The following KCNT2 variants were observed in gnomAD, a reference collection of about 807,000 sequenced individuals.
KCNT2 encodes potassium channel subfamily T member 2.
A neutral mutation model predicts 153.8 loss-of-function variants in KCNT2; 67 were observed. That is an observed-to-expected ratio of 0.44 (90% CI 0.36 to 0.53). The LOEUF is 0.53. Among genes scored for constraint, KCNT2 ranks in the 20% least tolerant of loss-of-function variants. The pLI, the probability that KCNT2 is intolerant of heterozygous loss-of-function variation, is 0.00. For synonymous variants in KCNT2, 500 were observed against 458.8 expected (o/e 1.09, Z -1.15); for missense variants, 975 against 1,354.8 (o/e 0.72, Z 4.40).
chr1:196,388,795 C>T lies in KCNT2; in HGVS notation c.1294+9768G>A, dbSNP rs142611100. The stretch of plus-strand genomic sequence containing the variant: ...ACTAGCTTTATTATAGATTCATTAC[C>T]ATTTTTAAAGAAATGTTCACTTAGC... On this transcript the variant is annotated intron_variant, in intron 13 of 27. Coordinates refer to ENST00000294725, the MANE Select transcript of KCNT2 (RefSeq NM_198503.5). 3.5e-4 allele frequency among the ~76,000 whole-genome samples: 53 copies of T among 151,632 alleles called. 1 individual carries two copies. The highest frequency in any genetic ancestry group is 2.7e-3 in the South Asian group (13 of 4,824).
chr1:196,268,768 G>T (rs1657780506), intron 25 of KCNT2, among the ~76,000 whole-genome samples: 1 of 151,824 alleles, frequency 6.6e-6, no homozygotes, highest in Non-Finnish European at 1.5e-5. Flanking sequence ...AAAATGATCT[G>T]CTTCCTCAGA....
intron 1 of KCNT2, among the ~76,000 whole-genome samples, chr1:196,594,707 C>A (rs1296820427): frequency 6.6e-6 from 1 of 152,018 alleles, no homozygotes; most frequent in Non-Finnish European, 1.5e-5. Context: ...TCTGGCACTG[C>A]ATCCAATTTA....
intron 8 of KCNT2, among the ~76,000 whole-genome samples, chr1:196,433,398 A>T (rs1674333436): frequency 6.6e-6 from 1 of 152,112 alleles, no homozygotes; most frequent in South Asian, 2.1e-4. Context: ...ATGTTGTATG[A>T]TTCTGTTTAT....
rs913374744 is a variant in KCNT2, at chr1:196,442,631, C to T, written c.639-12874G>A. On this transcript the variant is annotated intron_variant, in intron 8 of 27. Transcript: ENST00000294725. The stretch of plus-strand genomic sequence containing the variant: ...TGATGTCAAGCTTTCAGCCTTTATT[C>T]GGTAGAGAAGGTTAAGCATTCTAGG... Among the ~76,000 whole-genome samples, 11 of 151,448 alleles carry T rather than the reference C, an allele frequency of 7.3e-5. No individual in the cohort carries two copies. In the East Asian group the frequency reaches 7.8e-4, roughly 11 times the overall value.
At chr1:196,423,501 C>T (rs960799088) in intron 11 of KCNT2, among the ~76,000 whole-genome samples, 1 of 151,602 alleles carries the variant, frequency 6.6e-6, no homozygotes, top group Admixed American at 6.6e-5. Flanking sequence ...GAATACAGCT[C>T]CTCTGTATTC....
At chr1:196,411,771 A>G (rs1203234734) in intron 12 of KCNT2, among the ~76,000 whole-genome samples, 1 of 151,782 alleles carries the variant, frequency 6.6e-6, no homozygotes, top group African/African-American at 2.4e-5. Context: ...TTTCTACATA[A>G]AATAGTTCTC....
intron 5 of KCNT2, among the ~76,000 whole-genome samples, chr1:196,474,125 T>C (rs1404007154): frequency 8.5e-5 from 13 of 152,086 alleles, no homozygotes; most frequent in African/African-American, 3.1e-4. Context: ...TTTTAACCAA[T>C]AATAATGCAG....
intron 27 of KCNT2, 60 bp downstream of exon 27, chr1:196,235,925 CA>C: frequency 9.5e-7 from 1 of 1,048,550 alleles, no homozygotes; most frequent in South Asian, 1.4e-5. Flanking sequence ...AATATAAGTA[CA>C]AAAATAAATA....
chr1:196,535,794 A>T lies in KCNT2; in HGVS notation c.96-43453T>A, dbSNP rs544245870. On this transcript the variant is annotated intron_variant, in intron 1 of 27. Coordinates refer to ENST00000294725, the MANE Select transcript of KCNT2 (RefSeq NM_198503.5). The stretch of plus-strand genomic sequence containing the variant: ...TATGTACAGTGTCAGCATGGTAATT[A>T]CATCTTTTACAGACAATAGTGGCTT... Among the ~76,000 whole-genome samples the T allele has an allele frequency of 1.8e-3, 280 of 152,334 alleles. 2 individuals carry two copies. Among genetic ancestry groups the T allele is most frequent in the African/African-American group, 6.4e-3 (266 of 41,572 alleles).
intron 1 of KCNT2, among the ~76,000 whole-genome samples, chr1:196,592,929 T>A (rs1357904577): frequency 6.6e-6 from 1 of 150,466 alleles, no homozygotes; most frequent in African/African-American, 2.4e-5. Flanking sequence ...AATAAAATAA[T>A]TTTTTATTTC....
chr1:196,242,271 T>C (rs1287571178), intron 26 of KCNT2, among the ~76,000 whole-genome samples: 4 of 152,234 alleles, frequency 2.6e-5, no homozygotes, highest in African/African-American at 7.2e-5. Flanking sequence ...AGGTTTTATA[T>C]GTGTTCAGGT....
chr1:196,501,527 T>TG (rs1680696170), intron 1 of KCNT2, among the ~76,000 whole-genome samples: 1 of 152,052 alleles, frequency 6.6e-6, no homozygotes, highest in South Asian at 2.1e-4. Context: ...CACTTATAAG[T>TG]GGGAGCTAAA....
intron 12 of KCNT2, among the ~76,000 whole-genome samples, chr1:196,414,088 A>T (rs79851653): frequency 1.3e-3 from 193 of 151,760 alleles, no homozygotes; most frequent in African/African-American, 4.3e-3. Flanking sequence ...CATATATATA[A>T]AAAAAAGTTT....
intron 1 of KCNT2, among the ~76,000 whole-genome samples, chr1:196,544,696 G>T (rs1656841791): frequency 6.6e-6 from 1 of 151,974 alleles, no homozygotes; most frequent in African/African-American, 2.4e-5. Flanking sequence ...ACTTTCTTTG[G>T]TATGATTCCA....
At chr1:196,439,965 G>A (rs2148583570) in intron 8 of KCNT2, among the ~76,000 whole-genome samples, 2 of 151,928 alleles carry the variant, frequency 1.3e-5, no homozygotes, top group South Asian at 4.1e-4. Flanking sequence ...TAGATGATGG[G>A]TTGATAGGTG....
At chr1:196,335,358 AG>A (rs1288976182) in intron 16 of KCNT2, among the ~76,000 whole-genome samples, 2 of 152,140 alleles carry the variant, frequency 1.3e-5, no homozygotes, top group Non-Finnish European at 2.9e-5. Context: ...TATGGTACAT[AG>A]GCTATATGGT....
intron 26 of KCNT2, among the ~76,000 whole-genome samples, chr1:196,254,421 A>G (rs1213860808): frequency 6.6e-6 from 1 of 151,562 alleles, no homozygotes; most frequent in East Asian, 1.9e-4. Context: ...GTAAATTGTT[A>G]GTGAAGTCAT....
intron 13 of KCNT2, among the ~76,000 whole-genome samples, chr1:196,381,851 G>A (rs1294231000): frequency 1.3e-5 from 2 of 152,094 alleles, no homozygotes; most frequent in African/African-American, 2.4e-5. Flanking sequence ...TTTGAGATCA[G>A]TTTCATTCCT....
At position 196,554,185 on chromosome 1, in the gene KCNT2, T is replaced by C. The variant is rs537614896; in HGVS notation, c.95+54030A>G. 9.3e-5 allele frequency among the ~76,000 whole-genome samples: 14 copies of C among 151,064 alleles called. No homozygotes were observed. The South Asian group carries it at 2.7e-3, about 29-fold the overall frequency. ...AAAGATCAGAGCAGAAATAAATGAA[T>C]TTGAAATGAACAATACAAAAGATGA... On this transcript the variant is annotated intron_variant, in intron 1 of 27. Coordinates refer to ENST00000294725, the MANE Select transcript of KCNT2 (RefSeq NM_198503.5).
Sources: gnomAD v4.1 joint callset for allele counts (sites outside exome capture counted in the v4.1 genomes callset) on GRCh38, gnomAD v4.1.1 for gene constraint, MANE v1.5 for transcripts, NCBI Gene and HGNC (gene_info 2026-07-23, HGNC 2026-07-21) for gene names.